Variants in PRKD1 observed in about 807,000 individuals in gnomAD.
PRKD1 encodes the protein protein kinase D1.
PRKD1 carries 63 observed loss-of-function variants against 95.9 expected under a neutral mutation model. The ratio of observed to expected loss-of-function variants is 0.66; its 90% confidence interval spans 0.54 to 0.81. The LOEUF (loss-of-function observed/expected upper bound fraction) is 0.81. PRKD1 is among the 30% of genes least tolerant of loss of function. PRKD1 has a pLI of 0.00. For missense variants in PRKD1, 1,048 were observed against 1,165.3 expected (o/e 0.90, Z 1.47); for synonymous variants, 425 against 423.1 (o/e 1.00, Z -0.05).
At chr14:29,653,488 CTG>C (rs1281254465) in intron 4 of PRKD1, among the ~76,000 whole-genome samples, 1 of 151,988 alleles carries the variant, frequency 6.6e-6, no homozygotes, top group African/African-American at 2.4e-5. Context: ...GTAAAAAATG[CTG>C]TGTCATCAAT....
rs1881761099 is a variant in PRKD1, at chr14:29,655,139, C to T, written c.696+8560G>A. Among the ~76,000 whole-genome samples, 6 of 151,974 alleles carry T rather than the reference C, an allele frequency of 3.9e-5. No individual in the cohort carries two copies. In the South Asian group the frequency reaches 1.2e-3, roughly 32 times the overall value. The stretch of plus-strand genomic sequence containing the variant: ...TTCCTGTCCTTCTTTGGCTTCATGC[C>T]CAAAGGATTATTTGAAAGGAAAGAT... On this transcript the variant is annotated intron_variant, in intron 4 of 17. Coordinates refer to ENST00000331968, the MANE Select transcript of PRKD1 (RefSeq NM_002742.3).
At chr14:29,920,050 AAGGAAGGAAGGAAGGAAAGAAG>A (rs1393488348) in intron 1 of PRKD1, among the ~76,000 whole-genome samples, 1 of 137,972 alleles carries the variant, frequency 7.2e-6, no homozygotes, top group Non-Finnish European at 1.5e-5. Context: ...GGAAGGAAGG[AAGGAAGGAAGGAAGGAAAGAAG>A]GAAGGAAGGA....
chr14:29,764,871 G>GTGGAAGATGA (rs1444048986), intron 1 of PRKD1, among the ~76,000 whole-genome samples: 2 of 152,194 alleles, frequency 1.3e-5, no homozygotes, highest in Admixed American at 6.5e-5. Context: ...GGCCTTACTA[G>GTGGAAGATGA]TGGAAGATGA....
intron 1 of PRKD1, among the ~76,000 whole-genome samples, chr14:29,855,916 C>T (rs1165786744): frequency 6.6e-6 from 1 of 152,202 alleles, no homozygotes; most frequent in African/African-American, 2.4e-5. Flanking sequence ...GCCTCTACAA[C>T]CATGTGGAAC....
At chr14:29,716,034 A>T (rs1262616975) in intron 2 of PRKD1, among the ~76,000 whole-genome samples, 3 of 152,176 alleles carry the variant, frequency 2.0e-5, no homozygotes, top group African/African-American at 7.2e-5. Context: ...CCAGACCGTT[A>T]AACTTCCATT....
At chr14:29,590,158 T>C (rs1383559554) in intron 16 of PRKD1, among the ~76,000 whole-genome samples, 4 of 152,212 alleles carry the variant, frequency 2.6e-5, no homozygotes, top group Admixed American at 1.3e-4. Flanking sequence ...GAAATTGAAA[T>C]AAGATAAAAC....
intron 1 of PRKD1, among the ~76,000 whole-genome samples, chr14:29,921,741 A>G (rs1895116759): frequency 6.6e-6 from 1 of 152,218 alleles, no homozygotes; most frequent in South Asian, 2.1e-4. Flanking sequence ...TAAACAGCAC[A>G]GTCATGAAGT....
chr14:29,858,926 C>T (rs1371913943), intron 1 of PRKD1, among the ~76,000 whole-genome samples: 2 of 152,154 alleles, frequency 1.3e-5, no homozygotes, highest in African/African-American at 2.4e-5. Flanking sequence ...GCACCATCTG[C>T]TTCCAATATT....
intron 2 of PRKD1, among the ~76,000 whole-genome samples, chr14:29,676,177 G>GGTTTTTTTTTTTTTTT (rs1555334424): frequency 2.9e-5 from 3 of 104,760 alleles, no homozygotes; most frequent in African/African-American, 1.3e-4. Flanking sequence ...AGTTCATTAC[G>GGTTTTTTTTTTTTTTT]TTTTTGTTTT....
chr14:29,721,479 G>C (rs1237371581), intron 2 of PRKD1, among the ~76,000 whole-genome samples: 1 of 152,052 alleles, frequency 6.6e-6, no homozygotes, highest in Non-Finnish European at 1.5e-5. Context: ...TATATACACT[G>C]ATAATTATTA....
chr14:29,794,111 T>C (rs1053894635), intron 1 of PRKD1, among the ~76,000 whole-genome samples: 1 of 152,108 alleles, frequency 6.6e-6, no homozygotes, highest in Non-Finnish European at 1.5e-5. Context: ...ACCTATAATT[T>C]TAGATTACAA....
intron 1 of PRKD1, among the ~76,000 whole-genome samples, chr14:29,764,761 A>G (rs1274492710): frequency 6.6e-6 from 1 of 152,210 alleles, no homozygotes; most frequent in Non-Finnish European, 1.5e-5. Flanking sequence ...AAGTTTCAAT[A>G]TGAACTTTAG....
chr14:29,820,470 G>A (rs74040605), intron 1 of PRKD1, among the ~76,000 whole-genome samples: 2 of 152,190 alleles, frequency 1.3e-5, no homozygotes, highest in South Asian at 2.1e-4. Context: ...TATTTACTCC[G>A]TGTCAGAGAA....
At chr14:29,646,533 T>TTAGATAGATAGATAGA (rs3837586) in intron 4 of PRKD1, among the ~76,000 whole-genome samples, 1,591 of 150,134 alleles carry the variant, frequency 0.011, 34 homozygotes, top group African/African-American at 0.036. Context: ...CTCACAAAAA[T>TTAGATAGATAGATAGA]TAGATAGATA....
At position 29,614,035 on chromosome 14, in the gene PRKD1, A is replaced by T. The variant is rs148731436; in HGVS notation, c.1905+10117T>A. On this transcript the variant is annotated intron_variant, in intron 13 of 17. Coordinates refer to ENST00000331968, the MANE Select transcript of PRKD1 (RefSeq NM_002742.3). ...TACTCTTCTAACACAGATCTGTCTA[A>T]GAATATCCTGTGGTCTGAAAATTTT... is the stretch of plus-strand genomic sequence containing the variant. Among the ~76,000 whole-genome samples, 1,055 of 152,332 alleles carry T rather than the reference A, an allele frequency of 6.9e-3. 9 individuals carry two copies. Among genetic ancestry groups the T allele is most frequent in the African/African-American group, 0.024 (989 of 41,574 alleles).
At chr14:29,863,992 A>T (rs964329421) in intron 1 of PRKD1, among the ~76,000 whole-genome samples, 1 of 152,174 alleles carries the variant, frequency 6.6e-6, no homozygotes, top group African/African-American at 2.4e-5. Flanking sequence ...GAAGTTAAAC[A>T]GTATGATATT....
chr14:29,714,182 G>A (rs1885478189), intron 2 of PRKD1, among the ~76,000 whole-genome samples: 1 of 152,096 alleles, frequency 6.6e-6, no homozygotes. Flanking sequence ...ATAAAATAGA[G>A]CTGTTTGGGG....
At chr14:29,662,913 G>A (rs576080192) in intron 4 of PRKD1, among the ~76,000 whole-genome samples, 1 of 151,298 alleles carries the variant, frequency 6.6e-6, no homozygotes, top group African/African-American at 2.4e-5. Context: ...AACTATTAGC[G>A]TATTTCAGAA....
Position 29,888,536 on chromosome 14 carries a change from G to C in PRKD1, c.264+38713C>G, listed in dbSNP as rs189708483. Reference sequence around the variant, plus strand: ...TAATAAAGAAATATGTTCAAGAGAAGAAAAATAGTCAAACCTACATGATAT... The same window carrying C: ...TAATAAAGAAATATGTTCAAGAGAACAAAAATAGTCAAACCTACATGATAT... On this transcript the variant is annotated intron_variant, in intron 1 of 17. Transcript: ENST00000331968. Among the ~76,000 whole-genome samples the C allele has an allele frequency of 3.4e-4, 52 of 152,230 alleles. No individual in the cohort carries two copies. The East Asian group carries it at 6.2e-3, about 18-fold the overall frequency.
Sources: allele counts gnomAD v4.1 joint callset (sites outside exome capture counted in the v4.1 genomes callset), GRCh38; gene constraint gnomAD v4.1.1; transcripts MANE v1.5; gene names NCBI Gene and HGNC (gene_info 2026-07-23, HGNC 2026-07-21).